SI: variants seen among roughly 807,000 people sequenced by gnomAD.
SI encodes sucrase-isomaltase, intestinal.
In SI, 235 loss-of-function variants were observed where a neutral mutation model predicts 253.3. That is an observed-to-expected ratio of 0.93 (90% CI 0.83 to 1.03). The LOEUF is 1.03. Ranked by LOEUF, SI falls within the 50% of genes least tolerant of loss-of-function variation. SI has a pLI of 0.00. For synonymous variants in SI, 819 were observed against 712.0 expected (o/e 1.15, Z -2.39); for missense variants, 2,442 against 2,211.1 (o/e 1.10, Z -2.09).
rs569996763 is a variant in SI at position 165,006,753 on chromosome 3, A to T, written c.4406+63T>A. Reference sequence around the variant, plus strand: ...AGATTGTCGGGACTGTTAAAATGATAACATTAAATGTAAGAACCAAAGAAT... The same window carrying T: ...AGATTGTCGGGACTGTTAAAATGATTACATTAAATGTAAGAACCAAAGAAT... On this transcript the variant is annotated intron_variant, in intron 37 of 47. Transcript: ENST00000264382. 880 of 1,420,970 alleles carry T rather than the reference A, an allele frequency of 6.2e-4. 14 individuals are homozygous for T. In the South Asian group the frequency reaches 8.8e-3, roughly 14 times the overall value. 88.0% of individuals were successfully genotyped at this position (1,420,970 alleles called of 1,614,324 possible).
At chr3:165,001,737 A>G (rs1046728490) in intron 37 of SI, among the ~76,000 whole-genome samples, 1 of 151,478 alleles carries the variant, frequency 6.6e-6, no homozygotes, top group Non-Finnish European at 1.5e-5. Context: ...AGCTATAACT[A>G]AAGTAACTTC....
chr3:165,029,604 A>ATG (rs1712125883), intron 25 of SI, among the ~76,000 whole-genome samples: 3 of 145,252 alleles, frequency 2.1e-5, no homozygotes, highest in Non-Finnish European at 4.6e-5. Flanking sequence ...ATATATACAT[A>ATG]TATATGTATA....
intron 6 of SI, among the ~76,000 whole-genome samples, chr3:165,066,207 T>C (rs1232608276): frequency 6.6e-6 from 1 of 151,980 alleles, no homozygotes; most frequent in Non-Finnish European, 1.5e-5. Flanking sequence ...ATGATTTAAG[T>C]ATACAAGAAG....
intron 23 of SI, 95 bp from the exon 24 acceptor site, chr3:165,032,787 C>T (rs1181996771): frequency 9.4e-6 from 7 of 747,522 alleles, no homozygotes; most frequent in Middle Eastern, 3.1e-4. Flanking sequence ...AGGTCATCAT[C>T]TACATCTCTA....
chr3:164,986,842 G>A (rs942540275), intron 45 of SI, among the ~76,000 whole-genome samples: 17 of 152,260 alleles, frequency 1.1e-4, no homozygotes, highest in African/African-American at 3.9e-4. Flanking sequence ...TATGTGAATA[G>A]CACTGTGCTA....
At chr3:165,043,303 T>G in intron 16 of SI, 128 bp from the exon 17 acceptor site, 1 of 637,400 alleles carries the variant, frequency 1.6e-6, no homozygotes, top group Non-Finnish European at 2.7e-6. Flanking sequence ...TATATATGCT[T>G]CCTTAAACCA....
At chr3:164,983,172 C>A in intron 45 of SI, 121 bp from the exon 46 acceptor site, 1 of 951,356 alleles carries the variant, frequency 1.1e-6, no homozygotes, top group Non-Finnish European at 1.5e-6. Context: ...CAAGATGTAC[C>A]TATTTTTTCT....
At position 165,037,358 on chromosome 3, in the gene SI, A is replaced by T. The variant is rs1366280345; in HGVS notation, c.2426+542T>A. On this transcript the variant is annotated intron_variant, in intron 21 of 47. Coordinates refer to ENST00000264382, the MANE Select transcript of SI (RefSeq NM_001041.4). ...ACTTTCTGTGCTCTTTGTACTCAGA[A>T]TGAATATGTGAAATGGAGCACCAGC... 3.3e-5 allele frequency among the ~76,000 whole-genome samples: 5 copies of T among 151,986 alleles called. No individual in the cohort carries two copies. In the East Asian group the frequency reaches 9.7e-4, roughly 29 times the overall value.
intron 15 of SI, among the ~76,000 whole-genome samples, chr3:165,048,236 C>T (rs921866128): frequency 1.3e-5 from 2 of 151,824 alleles, no homozygotes; most frequent in African/African-American, 2.4e-5. Flanking sequence ...GGTTTACTGA[C>T]TATTGTATCA....
At chr3:164,998,416 G>C (rs1718113516) in intron 38 of SI, 124 bp downstream of exon 38, 4 of 964,364 alleles carry the variant, frequency 4.1e-6, no homozygotes, top group Non-Finnish European at 6.6e-6. Context: ...GATGCTATAT[G>C]ACATAAAGTA....
chr3:165,025,061 T>G (rs1711834163), intron 25 of SI, among the ~76,000 whole-genome samples: 1 of 151,232 alleles, frequency 6.6e-6, no homozygotes, highest in African/African-American at 2.4e-5. Context: ...ACCCAATACT[T>G]GAGCTGTTCT....
intron 43 of SI, 82 bp from the exon 44 acceptor site, chr3:164,991,559 T>C: frequency 7.0e-7 from 1 of 1,427,008 alleles, no homozygotes. Flanking sequence ...ATATACATTT[T>C]AAAAAATCAA....
intron 19 of SI, 88 bp downstream of exon 19, chr3:165,039,799 A>G (rs1241691037): frequency 1.2e-5 from 11 of 912,390 alleles, no homozygotes; most frequent in Non-Finnish European, 2.0e-5. Context: ...CCACTGAGTA[A>G]CATCTATTAT....
chr3:165,076,518 C>T (rs1324246254), intron 1 of SI, among the ~76,000 whole-genome samples: 2 of 151,602 alleles, frequency 1.3e-5, no homozygotes, highest in African/African-American at 4.8e-5. Context: ...TTGAACTCTC[C>T]TCTCTCTAAT....
At chr3:164,986,408 G>C (rs1717439140) in intron 45 of SI, among the ~76,000 whole-genome samples, 1 of 152,128 alleles carries the variant, frequency 6.6e-6, no homozygotes, top group Non-Finnish European at 1.5e-5. Context: ...CCTCCTTCCA[G>C]AGGGGTCTTA....
intron 27 of SI, 130 bp downstream of exon 27, chr3:165,021,099 G>T: frequency 2.7e-6 from 2 of 749,666 alleles, no homozygotes; most frequent in Non-Finnish European, 4.5e-6. Context: ...AATGGGCAAA[G>T]TTATTTAACA....
At chr3:165,054,469 T>C (rs1576912595) in intron 13 of SI, among the ~76,000 whole-genome samples, 1 of 151,792 alleles carries the variant, frequency 6.6e-6, no homozygotes, top group African/African-American at 2.4e-5. Flanking sequence ...ACCTCCCGGG[T>C]TCAAGCAATT....
At chr3:165,032,791 A>T in intron 23 of SI, 99 bp from the exon 24 acceptor site, 1 of 711,836 alleles carries the variant, frequency 1.4e-6, no homozygotes, top group Non-Finnish European at 2.4e-6. Context: ...CATCATCTAC[A>T]TCTCTATTCC....
At position 165,043,086 on chromosome 3, in the gene SI, G is replaced by A; in HGVS notation, c.1977C>T (p.Ser659=). Residue 659 remains serine (S), a synonymous_variant, in exon 17 of 48, where the codon TCC becomes TCT. Coordinates refer to ENST00000264382, the MANE Select transcript of SI (RefSeq NM_001041.4). The part of the protein sequence containing the change: ...WMQLGAFYPF[S]RNHNSDGYEH... ...CATATCCGTCAGAATTATGGTTTCT[G>A]GAAAATGGATAAAATGCCCCAAGTT... 6.2e-7 allele frequency: 1 copy of A among 1,611,210 alleles called. No homozygotes were observed. Among genetic ancestry groups the A allele is most frequent in the South Asian group, 1.1e-5 (1 of 91,020 alleles).
Sources: gnomAD v4.1 joint callset for allele counts (sites outside exome capture counted in the v4.1 genomes callset) on GRCh38, gnomAD v4.1.1 for gene constraint, MANE v1.5 for transcripts, NCBI Gene and HGNC (gene_info 2026-07-23, HGNC 2026-07-21) for gene names.